The following CCDC171 variants were observed in gnomAD, a reference collection of about 807,000 sequenced individuals.
CCDC171 encodes coiled-coil domain containing 171.
A neutral mutation model predicts 168.2 loss-of-function variants in CCDC171; 177 were observed. That is an observed-to-expected ratio of 1.05 (90% CI 0.93 to 1.19). The LOEUF (loss-of-function observed/expected upper bound fraction) is 1.19. CCDC171 is among the 50% of genes most tolerant of loss of function. The probability of loss-of-function intolerance (pLI) is 0.00; values close to 1 mark genes in which losing one functional copy is unlikely to be tolerated. For missense variants in CCDC171, 1,991 were observed against 1,539.0 expected (o/e 1.29, Z -4.91); for synonymous variants, 687 against 540.8 (o/e 1.27, Z -3.75).
chr9:15,565,951 TG>T (rs2039693156), intron 2 of CCDC171, among the ~76,000 whole-genome samples: 1 of 152,252 alleles, frequency 6.6e-6, no homozygotes. Flanking sequence ...CTGAAGTGGC[TG>T]GGTCATTTTA....
intron 25 of CCDC171, among the ~76,000 whole-genome samples, chr9:15,969,340 CTG>C (rs1831121770): frequency 6.6e-6 from 1 of 152,298 alleles, no homozygotes; most frequent in South Asian, 2.1e-4. Context: ...CCCTAAAGGA[CTG>C]CCTTCCTAAC....
intron 16 of CCDC171, among the ~76,000 whole-genome samples, chr9:15,742,133 C>G (rs1191166546): frequency 6.6e-6 from 1 of 151,982 alleles, no homozygotes; most frequent in African/African-American, 2.4e-5. Flanking sequence ...ATGGAATCAA[C>G]CTTTGTGATG....
intron 25 of CCDC171, among the ~76,000 whole-genome samples, chr9:15,958,556 A>ATATTG (rs1342674840): frequency 1.3e-5 from 2 of 148,326 alleles, no homozygotes; most frequent in Non-Finnish European, 3.0e-5. Context: ...ATATTATATT[A>ATATTG]TATTATACAA....
At chr9:15,849,048 A>C (rs2061018304) in intron 23 of CCDC171, 101 bp downstream of exon 23, 1 of 597,948 alleles carries the variant, frequency 1.7e-6, no homozygotes, top group African/African-American at 2.0e-5. Flanking sequence ...AAAGTTAAAA[A>C]AATAAATTAA....
chr9:15,820,364 G>A (rs1214728221), intron 21 of CCDC171, among the ~76,000 whole-genome samples: 1 of 115,308 alleles, frequency 8.7e-6, no homozygotes, highest in African/African-American at 3.3e-5. Flanking sequence ...AGGAAATAGA[G>A]GCACAAAAAA....
At chr9:15,582,646 G>A (rs1361850536) in intron 4 of CCDC171, among the ~76,000 whole-genome samples, 1 of 152,126 alleles carries the variant, frequency 6.6e-6, no homozygotes, top group African/African-American at 2.4e-5. Flanking sequence ...CATGCATGAA[G>A]CTGGAAACCA....
intron 3 of CCDC171, among the ~76,000 whole-genome samples, chr9:15,997,802 A>T (rs1832417736): frequency 6.6e-6 from 1 of 152,098 alleles, no homozygotes; most frequent in South Asian, 2.1e-4. Flanking sequence ...TCACTGTCAG[A>T]ACTTGGCAAG....
At chr9:16,015,352 G>A (rs1437324681) in intron 3 of CCDC171, among the ~76,000 whole-genome samples, 4 of 152,126 alleles carry the variant, frequency 2.6e-5, no homozygotes, top group African/African-American at 9.7e-5. Flanking sequence ...GCCTTGCTCT[G>A]GATTAGCCTT....
intron 1 of CCDC171, among the ~76,000 whole-genome samples, chr9:16,046,843 C>G (rs1211314476): frequency 2.0e-5 from 3 of 152,198 alleles, no homozygotes; most frequent in African/African-American, 7.2e-5. Flanking sequence ...ATTACTCAGC[C>G]TTGGGTATGT....
At chr9:16,086,868 A>C in the CCDC171 span, among the ~76,000 whole-genome samples, 1 of 152,214 alleles carries the variant, frequency 6.6e-6, no homozygotes, top group East Asian at 1.9e-4. Context: ...GTGGGCATTT[A>C]GTGCTATAAA....
At chr9:15,787,494 C>T (rs957622406) in intron 21 of CCDC171, among the ~76,000 whole-genome samples, 1 of 152,084 alleles carries the variant, frequency 6.6e-6, no homozygotes, top group African/African-American at 2.4e-5. Context: ...ACCTCCTCTT[C>T]CTTCTCTCAC....
intron 7 of CCDC171, among the ~76,000 whole-genome samples, chr9:15,648,724 A>T (rs1280176988): frequency 6.6e-6 from 1 of 152,168 alleles, no homozygotes; most frequent in Non-Finnish European, 1.5e-5. Flanking sequence ...AGAACTACAA[A>T]CCAGTGCTCA....
At chr9:16,007,569 T>G (rs1271602464) in intron 3 of CCDC171, among the ~76,000 whole-genome samples, 1 of 152,242 alleles carries the variant, frequency 6.6e-6, no homozygotes, top group Non-Finnish European at 1.5e-5. Flanking sequence ...GTTTTAGGTT[T>G]AATATGTAAG....
the CCDC171 span, among the ~76,000 whole-genome samples, chr9:16,097,671 A>G: frequency 1.3e-5 from 2 of 152,200 alleles, no homozygotes; most frequent in African/African-American, 4.8e-5. Context: ...GCATGACCAT[A>G]TACTTCTATG....
chr9:15,593,717 C>T (rs2042149517), intron 5 of CCDC171, among the ~76,000 whole-genome samples: 1 of 151,812 alleles, frequency 6.6e-6, no homozygotes, highest in Non-Finnish European at 1.5e-5. Context: ...CTGAAGTTAA[C>T]ATTTTTCAGA....
chr9:15,932,966 G>T (rs2132168684), intron 25 of CCDC171, among the ~76,000 whole-genome samples: 1 of 152,028 alleles, frequency 6.6e-6, no homozygotes, highest in East Asian at 1.9e-4. Flanking sequence ...TGAATAATCT[G>T]TTTAATGTGC....
chr9:15,602,071 C>T (rs1045789066), intron 6 of CCDC171, among the ~76,000 whole-genome samples: 4 of 152,162 alleles, frequency 2.6e-5, no homozygotes, highest in African/African-American at 4.8e-5. Context: ...CGAACAGTAA[C>T]TTGCTTTGCT....
intron 3 of CCDC171, among the ~76,000 whole-genome samples, chr9:15,987,213 G>T (rs1832018026): frequency 6.6e-6 from 1 of 152,024 alleles, no homozygotes; most frequent in African/African-American, 2.4e-5. Context: ...ACAAAGTAGA[G>T]AAAAAATTTG....
At chr9:15,813,606 T>TTGTGTGTGTGTGTG (rs140437207) in intron 21 of CCDC171, among the ~76,000 whole-genome samples, 5 of 149,812 alleles carry the variant, frequency 3.3e-5, no homozygotes, top group African/African-American at 1.2e-4. Context: ...TTACATGTAT[T>TTGTGTGTGTGTGTG]TGTGTGTGTG....
Sources: gnomAD v4.1 joint callset for allele counts (sites outside exome capture counted in the v4.1 genomes callset) on GRCh38, gnomAD v4.1.1 for gene constraint, MANE v1.5 for transcripts, NCBI Gene and HGNC (gene_info 2026-07-23, HGNC 2026-07-21) for gene names.